Variants in PDCD4 observed in about 807,000 individuals in gnomAD.
PDCD4 encodes the protein programmed cell death protein 4.
In PDCD4, 56 loss-of-function variants were observed where a neutral mutation model predicts 54.0. The ratio of observed to expected loss-of-function variants is 1.04; its 90% confidence interval spans 0.84 to 1.30. PDCD4 has a LOEUF of 1.30. PDCD4 is among the 50% of genes most tolerant of loss of function. PDCD4 has a pLI of 0.00. For synonymous variants in PDCD4, 186 were observed against 194.8 expected (o/e 0.95, Z 0.37); for missense variants, 584 against 559.8 (o/e 1.04, Z -0.44).
rs763039400 is a variant in PDCD4 at position 110,895,991 on chromosome 10, A to T, written c.1253A>T (p.Asp418Val). Residue 418 changes from aspartate (D) to valine (V), a missense_variant, in exon 11 of 12, where the codon GAT becomes GTT. Coordinates refer to ENST00000280154, the MANE Select transcript of PDCD4 (RefSeq NM_014456.5). ...AATGAAATTCCGGACATTAATCTGG[A>T]TGTCCCACATTCATACTCTGTGCTG... ...IYNEIPDINL[D>V]VPHSYSVLER... 7 of 1,605,754 alleles carry T rather than the reference A, an allele frequency of 4.4e-6. No individual in the cohort carries two copies. The highest frequency in any genetic ancestry group is 6.0e-6 in the Non-Finnish European group (7 of 1,174,746).
chr10:110,891,460 C>G (rs1045525438), intron 8 of PDCD4, among the ~76,000 whole-genome samples: 2 of 146,978 alleles, frequency 1.4e-5, no homozygotes, highest in African/African-American at 5.1e-5. Context: ...AGATTTATTC[C>G]CTATGGATTT....
At chr10:110,890,768 G>A in intron 8 of PDCD4, 98 bp downstream of exon 8, 1 of 597,574 alleles carries the variant, frequency 1.7e-6, no homozygotes, top group East Asian at 3.0e-5. Flanking sequence ...CAAAAATTAA[G>A]TTCGGTCTTA....
chr10:110,897,993 ATC>A, intron 11 of PDCD4, 33 bp from the exon 12 acceptor site: 1 of 1,477,396 alleles, frequency 6.8e-7, no homozygotes, highest in Non-Finnish European at 9.2e-7. Flanking sequence ...CAGAATTTGT[ATC>A]TGTTTTCATG....
chr10:110,886,656 T>C (rs1334554885), intron 5 of PDCD4, among the ~76,000 whole-genome samples: 1 of 152,134 alleles, frequency 6.6e-6, no homozygotes, highest in Non-Finnish European at 1.5e-5. Context: ...TCAGTTTGGC[T>C]ACTCCAGCTG....
chr10:110,898,221 A>G lies in PDCD4; in HGVS notation c.*133A>G, dbSNP rs72819730. ...ACAAGGCATTTCTGACATTTTATAA[A>G]CCTACATTTAAGGGGAATTTTTAAA... is the stretch of plus-strand genomic sequence containing the variant. On this transcript the variant is annotated 3_prime_UTR_variant, in exon 12 of 12. Transcript: ENST00000280154. 26 of 446,272 alleles carry G rather than the reference A, an allele frequency of 5.8e-5. No homozygotes were observed. Among genetic ancestry groups the G allele is most frequent in the Non-Finnish European group, 9.6e-5 (25 of 259,302 alleles). The allele number at this position is 446,272 out of a possible 1,614,324, so 27.6% of individuals were successfully genotyped here. A position where few individuals can be genotyped will look rare whatever the true frequency, so the allele number is the denominator to read the frequency against.
rs1316811264 is a variant in PDCD4, at chr10:110,899,609, C to CCAA, written c.*1524_*1526dup. 2.0e-5 allele frequency: 3 copies of CCAA among 152,122 alleles called. No individual in the cohort carries two copies. Among genetic ancestry groups the CCAA allele is most frequent in the African/African-American group, 7.2e-5 (3 of 41,384 alleles). The allele number at this position is 152,122 out of a possible 1,614,324, so 9.4% of individuals were successfully genotyped here. On this transcript the variant is annotated 3_prime_UTR_variant, in exon 12 of 12. Transcript: ENST00000280154. ...GGTTGGGAGTTCATGACCAGCTTGA[C>CCAA]CAACATGAAGAAACCCTGTCTCTAT...
Position 110,881,351 on chromosome 10 carries a change from A to T in PDCD4, c.162A>T (p.Arg54Ser), listed in dbSNP as rs778515611. Reference sequence around the variant, plus strand: ...CAGCATCCTCCATTAACGAAGCTAGAATTAATGCCAAGGCAAAAAGGCGAC... The same window carrying T: ...CAGCATCCTCCATTAACGAAGCTAGTATTAATGCCAAGGCAAAAAGGCGAC... ...WISASSINEA[R>S]INAKAKRRLR... is the part of the protein sequence containing the mutation. Residue 54 changes from arginine (R) to serine (S), a missense_variant, in exon 3 of 12, where the codon AGA becomes AGT. Transcript: ENST00000280154. The T allele has an allele frequency of 3.7e-6, 6 of 1,614,106 alleles. No homozygotes were observed. The East Asian group carries it at 1.3e-4, about 36-fold the overall frequency.
intron 11 of PDCD4, among the ~76,000 whole-genome samples, chr10:110,897,597 AT>A (rs900983553): frequency 6.6e-6 from 1 of 151,556 alleles, no homozygotes; most frequent in Admixed American, 6.6e-5. Flanking sequence ...TTGATAAAAC[AT>A]TTTTTTTTAA....
In PDCD4 at chr10:110,881,406, A is replaced by G; in HGVS notation, c.217A>G (p.Arg73Gly). 1.2e-6 allele frequency: 2 copies of G among 1,614,230 alleles called. No homozygotes were observed. The highest frequency in any genetic ancestry group is 1.7e-6 in the Non-Finnish European group (2 of 1,180,046). Residue 73 changes from arginine (R) to glycine (G), a missense_variant, in exon 3 of 12, where the codon AGA becomes GGA. Physicochemically the swap from Arg to Gly is moderately radical, Grantham distance 125. Transcript: ENST00000280154. The stretch of plus-strand genomic sequence containing the variant: ...GAAAAACTCATCCCGGGACTCTGGC[A>G]GAGGCGATTCGGTCAGCGACAGTGG... ...LRKNSSRDSG[R>G]GDSVSDSGSD... is the part of the protein sequence containing the mutation.
At position 110,881,229 on chromosome 10, in the gene PDCD4, T is replaced by A; in HGVS notation, c.44-4T>A. 1 of 1,604,712 alleles carries A rather than the reference T, an allele frequency of 6.2e-7. No individual in the cohort carries two copies. The highest frequency in any genetic ancestry group is 8.5e-7 in the Non-Finnish European group (1 of 1,174,586). Reference sequence around the variant, plus strand: ...GAATTTTTTTCTTCATTTTTCTCTTTAAGATCCTGATAACTTAAGTGACTC... The same window carrying A: ...GAATTTTTTTCTTCATTTTTCTCTTAAAGATCCTGATAACTTAAGTGACTC... On this transcript the variant is annotated splice_polypyrimidine_tract_variant and splice_region_variant and intron_variant, in intron 2 of 11. Transcript: ENST00000280154.
rs775450189 is a variant in PDCD4, at chr10:110,881,493, A to G, written c.304A>G (p.Arg102Gly). Residue 102 changes from arginine (R) to glycine (G), a missense_variant, in exon 3 of 12, where the codon AGG becomes GGG. Transcript: ENST00000280154. ...PTSPKGRLLD[R>G]RSRSGKGRGL... Reference sequence around the variant, plus strand: ...CAGTCCAAAGGGAAGGTTGCTGGATAGGCGATCCAGATCTGGGAAAGGAAG... The same window carrying G: ...CAGTCCAAAGGGAAGGTTGCTGGATGGGCGATCCAGATCTGGGAAAGGAAG... 3.1e-6 allele frequency: 5 copies of G among 1,613,508 alleles called. No individual in the cohort carries two copies. The highest frequency in any genetic ancestry group is 4.2e-6 in the Non-Finnish European group (5 of 1,179,534).
At chr10:110,886,432 T>G (rs906222382) in intron 5 of PDCD4, among the ~76,000 whole-genome samples, 2 of 152,080 alleles carry the variant, frequency 1.3e-5, no homozygotes. Context: ...GGGTAGTGGA[T>G]TAGTTGTTAA....
Position 110,887,716 on chromosome 10 carries a change from T to G in PDCD4, c.607T>G (p.Leu203Val), listed in dbSNP as rs767761336. ...TGAAATGAAAAGTGGAGTACCAGTG[T>G]TGGCAGTATCCTTAGCATTGGAGGG... is the stretch of plus-strand genomic sequence containing the variant. Reference protein sequence around the residue: ...LGEMKSGVPVLAVSLALEGKA... With the variant: ...LGEMKSGVPVVAVSLALEGKA... The change falls in exon 6 of 12, where the codon TTG becomes GTG. Residue 203 changes from leucine to valine, a missense_variant. Physicochemically the swap from Leu to Val is conservative, Grantham distance 32. Transcript: ENST00000280154. 4 of 1,613,514 alleles carry G rather than the reference T, an allele frequency of 2.5e-6. No homozygotes were observed. In the African/African-American group the frequency reaches 5.3e-5, roughly 22 times the overall value.
At chr10:110,884,314 G>A (rs1473536947) in intron 4 of PDCD4, among the ~76,000 whole-genome samples, 1 of 152,192 alleles carries the variant, frequency 6.6e-6, no homozygotes, top group Non-Finnish European at 1.5e-5. Flanking sequence ...GTGGTTTAAG[G>A]CATCCTCGGA....
intron 10 of PDCD4, among the ~76,000 whole-genome samples, chr10:110,895,034 A>T (rs540851267): frequency 2.5e-4 from 38 of 152,086 alleles, no homozygotes; most frequent in African/African-American, 5.5e-4. Context: ...TTTAAAAAAA[A>T]TTTTTTAGCT....
At chr10:110,892,577 A>G (rs1845772003) in intron 8 of PDCD4, among the ~76,000 whole-genome samples, 1 of 152,222 alleles carries the variant, frequency 6.6e-6, no homozygotes, top group South Asian at 2.1e-4. Flanking sequence ...AATTTGAATA[A>G]CAAGTACAGT....
chr10:110,872,502 C>A (rs921387060), intron 1 of PDCD4, among the ~76,000 whole-genome samples: 2 of 152,212 alleles, frequency 1.3e-5, no homozygotes, highest in African/African-American at 4.8e-5. Flanking sequence ...GCCCCCTGTC[C>A]TTCGTGAACC....
chr10:110,883,859 AATAG>A lies in PDCD4; in HGVS notation c.441+766_441+769del, dbSNP rs550658228. Among the ~76,000 whole-genome samples, 432 of 152,366 alleles carry A rather than the reference AATAG, an allele frequency of 2.8e-3. 4 individuals carry two copies. The highest frequency in any genetic ancestry group is 4.5e-3 in the Non-Finnish European group (304 of 68,030). On this transcript the variant is annotated intron_variant, in intron 4 of 11. Transcript: ENST00000280154. ...ATGTATGTATTTAAGTGTTTTAACT[AATAG>A]ATATGGAAATATTTCTAAGAGAACA...
At chr10:110,892,809 A>C (rs1845775904) in intron 8 of PDCD4, among the ~76,000 whole-genome samples, 1 of 152,168 alleles carries the variant, frequency 6.6e-6, no homozygotes, top group African/African-American at 2.4e-5. Context: ...TTAGGCCTTT[A>C]CATTCACTAA....
Sources: allele counts gnomAD v4.1 joint callset (sites outside exome capture counted in the v4.1 genomes callset), GRCh38; gene constraint gnomAD v4.1.1; transcripts MANE v1.5; gene names NCBI Gene and HGNC (gene_info 2026-07-23, HGNC 2026-07-21).